Variants in DPY19L2 observed in about 807,000 individuals in gnomAD.
DPY19L2 encodes the protein probable C-mannosyltransferase DPY19L2.
A neutral mutation model predicts 97.9 loss-of-function variants in DPY19L2; 34 were observed. That is an observed-to-expected ratio of 0.35 (90% CI 0.26 to 0.46). The LOEUF (loss-of-function observed/expected upper bound fraction) is 0.46, where lower values mean the gene tolerates loss of function less well. DPY19L2 is among the 20% of genes least tolerant of loss of function. The probability of loss-of-function intolerance (pLI) is 1.00; values close to 1 mark genes in which losing one functional copy is unlikely to be tolerated. For missense variants in DPY19L2, 623 were observed against 911.4 expected, an observed-to-expected ratio of 0.68 and a Z score of 4.07; for synonymous variants, 230 against 307.9, an observed-to-expected ratio of 0.75 and a Z score of 2.65.
In DPY19L2 at chr12:63,628,406, A is replaced by C. The variant is rs566698325; in HGVS notation, c.804-1880T>G. ...TTCCAACAGTCTTAGCAAACGGCAC[A>C]CCAGGAGATTATATCACACACCTGG... On this transcript the variant is annotated intron_variant, in intron 6 of 21. Transcript: ENST00000324472. 5.3e-5 allele frequency among the ~76,000 whole-genome samples: 8 copies of C among 152,266 alleles called. No individual in the cohort carries two copies. The East Asian group carries it at 1.5e-3, about 29-fold the overall frequency.
chr12:63,640,218 G>A (rs1267272245), intron 6 of DPY19L2, among the ~76,000 whole-genome samples: 1 of 152,154 alleles, frequency 6.6e-6, no homozygotes, highest in Non-Finnish European at 1.5e-5. Flanking sequence ...GGGGGAAGAA[G>A]GAGGGATAGC....
chr12:63,614,557 CAT>C (rs1174635706), intron 11 of DPY19L2, among the ~76,000 whole-genome samples: 2 of 152,088 alleles, frequency 1.3e-5, no homozygotes, highest in African/African-American at 4.8e-5. Flanking sequence ...TTCTCATAAT[CAT>C]GTGCGTGGTG....
At chr12:63,657,565 T>A (rs1390673178) in intron 4 of DPY19L2, among the ~76,000 whole-genome samples, 1 of 151,862 alleles carries the variant, frequency 6.6e-6, no homozygotes, top group Non-Finnish European at 1.5e-5. Flanking sequence ...TTAGGTTTTT[T>A]TTTTCCTGCC....
intron 19 of DPY19L2, among the ~76,000 whole-genome samples, chr12:63,576,214 G>A (rs1281983681): frequency 1.3e-5 from 2 of 151,868 alleles, no homozygotes; most frequent in Admixed American, 1.3e-4. Context: ...CTCCATAGAT[G>A]CGGGAAAATC....
At chr12:63,588,271 A>G (rs958886344) in intron 16 of DPY19L2, among the ~76,000 whole-genome samples, 3 of 152,178 alleles carry the variant, frequency 2.0e-5, no homozygotes, top group Non-Finnish European at 4.4e-5. Flanking sequence ...GTTGAAGCCA[A>G]TGTTCATTTA....
At chr12:63,657,655 T>C (rs1895145015) in intron 4 of DPY19L2, among the ~76,000 whole-genome samples, 1 of 152,144 alleles carries the variant, frequency 6.6e-6, no homozygotes, top group African/African-American at 2.4e-5. Context: ...CTGCAGATCA[T>C]GGCTTTCTTT....
intron 4 of DPY19L2, among the ~76,000 whole-genome samples, chr12:63,650,044 C>T (rs964660561): frequency 6.6e-6 from 1 of 152,034 alleles, no homozygotes; most frequent in African/African-American, 2.4e-5. Context: ...TATGATTGAT[C>T]ACATAAAAGA....
chr12:63,580,322 C>T (rs1428693600), intron 19 of DPY19L2, among the ~76,000 whole-genome samples: 3 of 152,084 alleles, frequency 2.0e-5, no homozygotes, highest in Non-Finnish European at 4.4e-5. Flanking sequence ...TAAAGACTTA[C>T]TTCTTTGATT....
chr12:63,621,625 T>C (rs1888704452), intron 8 of DPY19L2, among the ~76,000 whole-genome samples: 1 of 152,172 alleles, frequency 6.6e-6, no homozygotes, highest in South Asian at 2.1e-4. Flanking sequence ...TAGAAATTTA[T>C]TACTCCAGCA....
rs187859372 is a variant in DPY19L2 at position 63,562,452 on chromosome 12, T to C, written c.2127-1790A>G. 7.2e-5 allele frequency among the ~76,000 whole-genome samples: 11 copies of C among 152,168 alleles called. No individual in the cohort carries two copies. The East Asian group carries it at 9.6e-4, about 13-fold the overall frequency. ...GATAAATAAGTGGATTGTTTCCAGT[T>C]TGGGGCTAATACAGAAAATAAAGTG... On this transcript the variant is annotated intron_variant, in intron 21 of 21. Coordinates refer to ENST00000324472, the MANE Select transcript of DPY19L2 (RefSeq NM_173812.5).
rs576181238 is a variant in DPY19L2, at chr12:63,580,639, C to T, written c.1900+23G>A. 8.1e-5 allele frequency: 128 copies of T among 1,581,462 alleles called. 1 individual carries two copies. In the East Asian group the frequency reaches 2.0e-3, roughly 24 times the overall value. On this transcript the variant is annotated intron_variant, in intron 19 of 21. Transcript: ENST00000324472. ...TGTCTGTATGTTTGTATAAAACTAG[C>T]ATATAACCAAATACCTACACACCTG...
At chr12:63,582,727 A>G (rs563546004) in intron 17 of DPY19L2, among the ~76,000 whole-genome samples, 95 of 152,196 alleles carry the variant, frequency 6.2e-4, no homozygotes, top group Non-Finnish European at 1.1e-3. Flanking sequence ...AGCAGTGAGC[A>G]ATTTCTGTCC....
chr12:63,590,125 AAACAAAACAAC>A (rs1409189203), intron 16 of DPY19L2, among the ~76,000 whole-genome samples: 5 of 140,456 alleles, frequency 3.6e-5, no homozygotes, highest in African/African-American at 9.2e-5. Flanking sequence ...AAACAAAACA[AAACAAAACAAC>A]AACAACAACA....
rs1216259893 is a variant in DPY19L2, at chr12:63,616,609, A to G, written c.1218+695T>C. On this transcript the variant is annotated intron_variant, in intron 11 of 21. Coordinates refer to ENST00000324472, the MANE Select transcript of DPY19L2 (RefSeq NM_173812.5). The stretch of plus-strand genomic sequence containing the variant: ...AGAAGTATAACTACAATGTAATAGA[A>G]CTGATTTACTAAACCACCCTTCCAA... Among the ~76,000 whole-genome samples, 6 of 152,158 alleles carry G rather than the reference A, an allele frequency of 3.9e-5. No individual in the cohort carries two copies. The East Asian group carries it at 1.2e-3, about 29-fold the overall frequency.
chr12:63,655,262 A>T (rs1489294747), intron 4 of DPY19L2, among the ~76,000 whole-genome samples: 1 of 152,190 alleles, frequency 6.6e-6, no homozygotes, highest in Non-Finnish European at 1.5e-5. Flanking sequence ...TAAAGCCATA[A>T]TGATATATCA....
intron 16 of DPY19L2, 129 bp from the exon 17 acceptor site, chr12:63,583,965 CATAAAA>C (rs1380546598): frequency 6.2e-6 from 4 of 646,334 alleles, no homozygotes; most frequent in Non-Finnish European, 1.0e-5. Flanking sequence ...TACGAAAATA[CATAAAA>C]ATAAAAATAT....
chr12:63,656,382 G>A (rs1592751038), intron 4 of DPY19L2, among the ~76,000 whole-genome samples: 1 of 152,110 alleles, frequency 6.6e-6, no homozygotes, highest in Non-Finnish European at 1.5e-5. Context: ...TTAGATAAGA[G>A]GTCAGAAAAC....
At chr12:63,631,046 T>A (rs1394555065) in intron 6 of DPY19L2, among the ~76,000 whole-genome samples, 1 of 152,012 alleles carries the variant, frequency 6.6e-6, no homozygotes, top group East Asian at 1.9e-4. Flanking sequence ...CATATTAGAA[T>A]CTCTGGGACA....
chr12:63,631,057 C>T (rs1452875000), intron 6 of DPY19L2, among the ~76,000 whole-genome samples: 1 of 152,010 alleles, frequency 6.6e-6, no homozygotes, highest in African/African-American at 2.4e-5. Flanking sequence ...CTCTGGGACA[C>T]ATTCAAAGCA....
Sources: gnomAD v4.1 joint callset for allele counts (sites outside exome capture counted in the v4.1 genomes callset) on GRCh38, gnomAD v4.1.1 for gene constraint, MANE v1.5 for transcripts, NCBI Gene and HGNC (gene_info 2026-07-23, HGNC 2026-07-21) for gene names.